Variants in PCDHA3 observed in about 807,000 individuals in gnomAD.
PCDHA3 encodes the protein protocadherin alpha 3, also known as protocadherin alpha-3.
PCDHA3 carries 41 observed loss-of-function variants against 62.2 expected under a neutral mutation model. That is an observed-to-expected ratio of 0.66 (90% CI 0.51 to 0.86). PCDHA3 has a LOEUF of 0.86. Ranked by LOEUF, PCDHA3 falls within the 40% of genes least tolerant of loss-of-function variation. The pLI, the probability that PCDHA3 is intolerant of heterozygous loss-of-function variation, is 0.00. For missense variants in PCDHA3, 1,304 were observed against 1,241.2 expected, an observed-to-expected ratio of 1.05 and a Z score of -0.76; for synonymous variants, 640 against 555.4, an observed-to-expected ratio of 1.15 and a Z score of -2.14.
intron 1 of PCDHA3, chr5:140,842,374 A>C: frequency 6.2e-7 from 1 of 1,609,340 alleles, no homozygotes; most frequent in Non-Finnish European, 8.5e-7. Flanking sequence ...CTGAGATAGC[A>C]CTGACTTCCT....
At chr5:141,005,680 C>T (rs1389178600) in intron 3 of PCDHA3, among the ~76,000 whole-genome samples, 6 of 111,878 alleles carry the variant, frequency 5.4e-5, no homozygotes, top group East Asian at 2.8e-4. Flanking sequence ...CCAGCCTGGG[C>T]GACAGAGCGA....
intron 1 of PCDHA3, among the ~76,000 whole-genome samples, chr5:140,913,578 A>G (rs1206858917): frequency 2.0e-5 from 3 of 152,072 alleles, no homozygotes; most frequent in Non-Finnish European, 2.9e-5. Context: ...CATTTCAAAT[A>G]TATTTCTGCT....
intron 1 of PCDHA3, among the ~76,000 whole-genome samples, chr5:140,909,538 A>T (rs1204423392): frequency 6.6e-6 from 1 of 152,148 alleles, no homozygotes; most frequent in East Asian, 1.9e-4. Context: ...TGAGTCCTTG[A>T]TGGTGGCACT....
chr5:140,917,131 G>A (rs572644426), intron 1 of PCDHA3, among the ~76,000 whole-genome samples: 28 of 152,190 alleles, frequency 1.8e-4, no homozygotes, highest in African/African-American at 5.8e-4. Context: ...GACTCCCCAC[G>A]TTGCTCAGCT....
intron 1 of PCDHA3, chr5:140,823,612 G>A (rs2150127408): frequency 1.3e-5 from 21 of 1,614,042 alleles, no homozygotes; most frequent in Middle Eastern, 1.7e-4. Context: ...GCTGCAGCCA[G>A]CGCCTGGCAG....
Position 140,883,553 on chromosome 5 carries a change from G to A in PCDHA3, c.2394+79962G>A, listed in dbSNP as rs782158028. The A allele has an allele frequency of 4.3e-6, 7 of 1,614,122 alleles. No individual in the cohort carries two copies. In the South Asian group the frequency reaches 7.7e-5, roughly 18 times the overall value. On this transcript the variant is annotated intron_variant, in intron 1 of 3. Transcript: ENST00000522353. The stretch of plus-strand genomic sequence containing the variant: ...CTATGAACTGGTGGTGACCGCGCGG[G>A]ACGGGGGCTCGCCTTCGCTGTGGGC...
At position 140,801,269 on chromosome 5, in the gene PCDHA3, G is replaced by C. The variant is rs1305724036; in HGVS notation, c.72G>C (p.Ser24=). ...TTTCTCTTCTGCTCCTCGCAGCCTC[G>C]GAGGTGGGGAGCGGCCAGCTCCACT... ...LLLSLLLLAA[S]EVGSGQLHYS... is the part of the protein sequence containing the mutation. The change falls in exon 1 of 4, where the codon TCG becomes TCC. Residue 24 remains serine, a synonymous_variant. Coordinates refer to ENST00000522353, the MANE Select transcript of PCDHA3 (RefSeq NM_018906.3). The C allele has an allele frequency of 3.1e-6, 5 of 1,613,586 alleles. No homozygotes were observed. Among genetic ancestry groups the C allele is most frequent in the African/African-American group, 1.3e-5 (1 of 74,934 alleles).
intron 1 of PCDHA3, chr5:140,969,349 G>A (rs782345683): frequency 3.1e-5 from 50 of 1,612,958 alleles, no homozygotes; most frequent in Non-Finnish European, 4.2e-5. Context: ...AGTGGTCAGG[G>A]GGTCTTCTAC....
chr5:140,867,596 G>C (rs1388910756), intron 1 of PCDHA3: 2 of 152,076 alleles, frequency 1.3e-5, no homozygotes, highest in African/African-American at 2.4e-5. Context: ...TTAGATTGGA[G>C]ATAAACCATC....
intron 3 of PCDHA3, among the ~76,000 whole-genome samples, chr5:140,991,053 A>G (rs2097429648): frequency 6.6e-6 from 1 of 152,220 alleles, no homozygotes; most frequent in Non-Finnish European, 1.5e-5. Context: ...TGAGAGAAGT[A>G]CATTATTATT....
intron 1 of PCDHA3, chr5:140,848,959 A>C (rs1554142632): frequency 1.9e-6 from 3 of 1,606,524 alleles, no homozygotes; most frequent in Admixed American, 3.4e-5. Context: ...TTTCCACTAG[A>C]GGGCGCGTCC....
intron 1 of PCDHA3, chr5:140,817,261 G>A (rs1417555256): frequency 6.6e-6 from 1 of 152,206 alleles, no homozygotes. Context: ...ATTTCCCCCT[G>A]TTTGAATGGA....
chr5:140,877,015 G>C (rs371309003), intron 1 of PCDHA3: 9 of 1,612,358 alleles, frequency 5.6e-6, no homozygotes, highest in Non-Finnish European at 7.6e-6. Context: ...CGCGGAGAGC[G>C]GCAAGGTGTA....
At position 140,996,204 on chromosome 5, in the gene PCDHA3, A is replaced by G. The variant is rs1405552013; in HGVS notation, c.2543-13423A>G. ...TCCATTTTATACCCTCAATGCAAGG[A>G]TATCACTACTTGTCTAGAAATGGTT... On this transcript the variant is annotated intron_variant, in intron 3 of 3. Coordinates refer to ENST00000522353, the MANE Select transcript of PCDHA3 (RefSeq NM_018906.3). Among the ~76,000 whole-genome samples the G allele has an allele frequency of 7.2e-5, 11 of 152,240 alleles. No homozygotes were observed. The South Asian group carries it at 2.3e-3, about 32-fold the overall frequency.
At chr5:140,984,633 T>G (rs2097112196) in intron 3 of PCDHA3, among the ~76,000 whole-genome samples, 1 of 152,206 alleles carries the variant, frequency 6.6e-6, no homozygotes, top group African/African-American at 2.4e-5. Flanking sequence ...AAAGGGATTC[T>G]CTGCCTTCTC....
At chr5:140,853,620 T>C (rs2042810253) in intron 1 of PCDHA3, 2 of 988,130 alleles carry the variant, frequency 2.0e-6, no homozygotes, top group African/African-American at 1.8e-5. Context: ...TGTAAATAAG[T>C]ATACAAGATC....
intron 1 of PCDHA3, chr5:140,870,788 C>A (rs782319322): frequency 3.7e-6 from 6 of 1,613,636 alleles, no homozygotes; most frequent in Non-Finnish European, 5.1e-6. Context: ...GACAACGCGC[C>A]GGCACTGCTG....
intron 1 of PCDHA3, chr5:140,881,393 A>G: frequency 1.0e-6 from 1 of 979,646 alleles, no homozygotes; most frequent in Non-Finnish European, 1.2e-6. Context: ...GGTAAGTTAA[A>G]TTCTATTAAA....
chr5:140,884,839 G>A lies in PCDHA3; in HGVS notation c.2394+81248G>A, dbSNP rs180730260. Reference sequence around the variant, plus strand: ...ACATTATGTGTTGGATTATCCTTCAGAGTGAAATCTTAACTCACAAACCAT... The same window carrying A: ...ACATTATGTGTTGGATTATCCTTCAAAGTGAAATCTTAACTCACAAACCAT... On this transcript the variant is annotated intron_variant, in intron 1 of 3. Coordinates refer to ENST00000522353, the MANE Select transcript of PCDHA3 (RefSeq NM_018906.3). 2.5e-3 allele frequency: 2,207 copies of A among 893,274 alleles called. 7 individuals are homozygous for A. Among genetic ancestry groups the A allele is most frequent in the Middle Eastern group, 9.3e-3 (26 of 2,802 alleles). 55.3% of individuals were successfully genotyped at this position (893,274 alleles called of 1,614,324 possible). A position where few individuals can be genotyped will look rare whatever the true frequency, so the allele number is the denominator to read the frequency against.
Sources: allele counts gnomAD v4.1 joint callset (sites outside exome capture counted in the v4.1 genomes callset), GRCh38; gene constraint gnomAD v4.1.1; transcripts MANE v1.5; gene names NCBI Gene and HGNC (gene_info 2026-07-23, HGNC 2026-07-21).